PLCG2: variants seen among roughly 807,000 people sequenced by gnomAD.
The protein encoded by PLCG2 is 1-phosphatidylinositol 4,5-bisphosphate phosphodiesterase gamma-2.
Under a neutral mutation model 175.6 loss-of-function variants are expected in PLCG2, and 69 were observed. The ratio of observed to expected loss-of-function variants is 0.39; its 90% confidence interval spans 0.32 to 0.48. The LOEUF (loss-of-function observed/expected upper bound fraction) is 0.48, where lower values mean the gene tolerates loss of function less well. PLCG2 is among the 20% of genes least tolerant of loss of function. PLCG2 has a pLI of 0.91. For synonymous variants in PLCG2, 827 were observed against 624.0 expected, an observed-to-expected ratio of 1.33 and a Z score of -4.85; for missense variants, 1,798 against 1,650.9, an observed-to-expected ratio of 1.09 and a Z score of -1.54.
chr16:81,860,826 C>G (rs988796597), intron 5 of PLCG2, among the ~76,000 whole-genome samples: 19 of 151,966 alleles, frequency 1.3e-4, no homozygotes, highest in Non-Finnish European at 2.6e-4. Context: ...AAAAAATTAG[C>G]CAGGCATGGT....
At chr16:81,858,445 A>T (rs1906797831) in intron 4 of PLCG2, 89 bp downstream of exon 4, 2 of 915,558 alleles carry the variant, frequency 2.2e-6, no homozygotes, top group African/African-American at 3.3e-5. Context: ...GGGGAAAAAA[A>T]AAAAAAGGGA....
At position 81,878,311 on chromosome 16, in the gene PLCG2, C is replaced by A. The variant is rs150519505; in HGVS notation, c.649-2599C>A. 2.7e-3 allele frequency among the ~76,000 whole-genome samples: 416 copies of A among 152,210 alleles called. 4 individuals carry two copies. The highest frequency in any genetic ancestry group is 9.3e-3 in the African/African-American group (386 of 41,536). On this transcript the variant is annotated intron_variant, in intron 7 of 32. Coordinates refer to ENST00000564138, the MANE Select transcript of PLCG2 (RefSeq NM_002661.5). ...AATCTCCCTCTTTTAAGAAGCCAGG[C>A]ACTGGATTCGGGTCCACCCTAACCC... is the stretch of plus-strand genomic sequence containing the variant.
rs1555513297 is a variant in PLCG2 at position 81,860,169 on chromosome 16, ATTAT to A, written c.479+1009_479+1012del. 8.5e-3 allele frequency among the ~76,000 whole-genome samples: 796 copies of A among 93,362 alleles called. 4 individuals carry two copies. The highest frequency in any genetic ancestry group is 0.016 in the Non-Finnish European group (633 of 40,114). 61.2% of individuals were successfully genotyped at this position (93,362 alleles called of 152,430 possible). On this transcript the variant is annotated intron_variant, in intron 5 of 32. Transcript: ENST00000564138. ...TATTATTATTATTATTATTATTATTATTATTTTTTTTTTTTTTTGTAAAGGTGAA... is the reference window on the plus strand; with the variant it reads ...TATTATTATTATTATTATTATTATTATTTTTTTTTTTTTTGTAAAGGTGAA...
Position 81,900,783 on chromosome 16 carries a change from A to G in PLCG2, c.1362+3A>G. ...TGCGGGAGAAGATCATCATCAAGGTAGGCACCCCGGGTGCTGCTGTTGGCT... is the reference window on the plus strand; with the variant it reads ...TGCGGGAGAAGATCATCATCAAGGTGGGCACCCCGGGTGCTGCTGTTGGCT... On this transcript the variant is annotated splice_donor_region_variant and intron_variant, in intron 14 of 32. Transcript: ENST00000564138. 5 of 1,595,184 alleles carry G rather than the reference A, an allele frequency of 3.1e-6. No homozygotes were observed. Among genetic ancestry groups the G allele is most frequent in the South Asian group, 1.1e-5 (1 of 90,596 alleles).
intron 1 of PLCG2, among the ~76,000 whole-genome samples, chr16:81,748,062 AC>A (rs1909738007): frequency 6.6e-6 from 1 of 152,126 alleles, no homozygotes; most frequent in East Asian, 1.9e-4. Context: ...TTTAGTAGAA[AC>A]AGGGTGGCCC....
intron 2 of PLCG2, among the ~76,000 whole-genome samples, chr16:81,787,068 T>A (rs1487724293): frequency 6.6e-6 from 1 of 152,234 alleles, no homozygotes; most frequent in Non-Finnish European, 1.5e-5. Context: ...TGGTTTCTTA[T>A]CAGCACACAT....
intron 31 of PLCG2, among the ~76,000 whole-genome samples, chr16:81,951,521 A>T (rs533504122): frequency 6.6e-6 from 1 of 152,302 alleles, no homozygotes; most frequent in South Asian, 2.1e-4. Flanking sequence ...CGTAATTCCA[A>T]TTTCACTCCA....
chr16:81,754,325 TCACCTCCTTCCCGCCCATCCC>T (rs1368903977), intron 1 of PLCG2, among the ~76,000 whole-genome samples: 1 of 14,920 alleles, frequency 6.7e-5, no homozygotes, highest in Non-Finnish European at 1.2e-4. Flanking sequence ...CCTTCCCCTG[TCACCTCCTTCCCGCCCATCCC>T]CACCTCCTCC....
chr16:81,938,494 G>A lies in PLCG2; in HGVS notation c.3199-307G>A, dbSNP rs910951591. 14 of 407,716 alleles carry A rather than the reference G, an allele frequency of 3.4e-5. No homozygotes were observed. In the Admixed American group the frequency reaches 4.9e-4, roughly 14 times the overall value. 25.3% of individuals were successfully genotyped at this position (407,716 alleles called of 1,614,324 possible). A position where few individuals can be genotyped will look rare whatever the true frequency, so the allele number is the denominator to read the frequency against. ...AGGGGTGTGGAAATCCAGTGATTAA[G>A]CTCTGCCTTGATCAGAGGCACCTGC... On this transcript the variant is annotated intron_variant, in intron 28 of 32. Coordinates refer to ENST00000564138, the MANE Select transcript of PLCG2 (RefSeq NM_002661.5).
At chr16:81,896,054 TC>T in intron 13 of PLCG2, 127 bp downstream of exon 13, 1 of 1,222,886 alleles carries the variant, frequency 8.2e-7, no homozygotes, top group Non-Finnish European at 1.2e-6. Flanking sequence ...CTGGGCCCCA[TC>T]TTGGCCAAAG....
In PLCG2 at chr16:81,900,682, A is replaced by G. The variant is rs1259583971; in HGVS notation, c.1264A>G (p.Lys422Glu). ...ACAGCGTCACATGGCCAAGGCCTTC[A>G]AGGAAGTATTTGGCGACCTGCTGTT... is the stretch of plus-strand genomic sequence containing the variant. The part of the protein sequence containing the change: ...EQQRHMAKAF[K>E]EVFGDLLLTK... The change falls in exon 14 of 33, where the codon AAG becomes GAG. Residue 422 changes from lysine to glutamate, a missense_variant. Physicochemically the swap from Lys to Glu is moderately conservative, Grantham distance 56. Transcript: ENST00000564138. 2 of 1,613,134 alleles carry G rather than the reference A, an allele frequency of 1.2e-6. No homozygotes were observed. The highest frequency in any genetic ancestry group is 1.7e-6 in the Non-Finnish European group (2 of 1,179,244).
At chr16:81,955,684 C>A (rs537577977) in intron 31 of PLCG2, among the ~76,000 whole-genome samples, 15 of 152,172 alleles carry the variant, frequency 9.9e-5, no homozygotes, top group Non-Finnish European at 1.8e-4. Context: ...CATGACAGGA[C>A]CACACTTACT....
At position 81,919,515 on chromosome 16, in the gene PLCG2, A is replaced by G; in HGVS notation, c.2086A>G (p.Asn696Asp). The G allele has an allele frequency of 6.2e-7, 1 of 1,614,090 alleles. No individual in the cohort carries two copies. Among genetic ancestry groups the G allele is most frequent in the Non-Finnish European group, 8.5e-7 (1 of 1,180,016 alleles). ...ARGKVKHCRINRDGRHFVLGT... is the reference protein window; with the variant it reads ...ARGKVKHCRIDRDGRHFVLGT... ...GGGCAAGGTAAAGCATTGTCGCATCAACCGGGACGGCCGGCACTTTGTGCT... is the reference window on the plus strand; with the variant it reads ...GGGCAAGGTAAAGCATTGTCGCATCGACCGGGACGGCCGGCACTTTGTGCT... The change falls in exon 20 of 33, where the codon AAC (asparagine) becomes GAC (aspartate). Residue 696 changes from asparagine (N) to aspartate (D), a missense_variant. Transcript: ENST00000564138.
Position 81,827,190 on chromosome 16 carries a change from G to GTT in PLCG2, c.194-27242_194-27241dup, listed in dbSNP as rs368220809. On this transcript the variant is annotated intron_variant, in intron 2 of 32. Transcript: ENST00000564138. ...CTCATACATTATAGAGGATTGCTGG[G>GTT]TTTTTTTTTTTTTGGGGACAGGGTC... Among the ~76,000 whole-genome samples, 986 of 143,998 alleles carry GTT rather than the reference G, an allele frequency of 6.8e-3. 10 individuals are homozygous for GTT. The highest frequency in any genetic ancestry group is 0.026 in the Middle Eastern group (7 of 272). 94.5% of individuals were successfully genotyped at this position (143,998 alleles called of 152,430 possible). A position where few individuals can be genotyped will look rare whatever the true frequency, so the allele number is the denominator to read the frequency against.
chr16:81,886,896 G>A (rs151222919), intron 9 of PLCG2, among the ~76,000 whole-genome samples: 129 of 152,204 alleles, frequency 8.5e-4, no homozygotes, highest in African/African-American at 2.9e-3. Context: ...CACTATTACA[G>A]GTATCTAGTG....
chr16:81,794,792 T>G (rs1390547658), intron 2 of PLCG2, among the ~76,000 whole-genome samples: 1 of 152,246 alleles, frequency 6.6e-6, no homozygotes, highest in Admixed American at 6.5e-5. Context: ...GATGGCATTG[T>G]AGAAAGGATG....
intron 13 of PLCG2, among the ~76,000 whole-genome samples, chr16:81,896,962 A>T (rs1466389004): frequency 2.0e-5 from 3 of 152,198 alleles, no homozygotes; most frequent in African/African-American, 7.2e-5. Flanking sequence ...TCTGGGCTGG[A>T]GGTCAACGAA....
At chr16:81,840,816 G>A (rs1365337333) in intron 2 of PLCG2, among the ~76,000 whole-genome samples, 1 of 152,184 alleles carries the variant, frequency 6.6e-6, no homozygotes, top group East Asian at 1.9e-4. Context: ...CCTTCCGAGT[G>A]GCAAGGAACA....
rs1037740470 is a variant in PLCG2, at chr16:81,753,343, T to A, written c.-144-2527T>A. On this transcript the variant is annotated intron_variant, in intron 1 of 5. Transcript: ENST00000565054. ...AGCATTGTGTTAAAGTCCTGGCAGG[T>A]TTTTTTTTTTTTTTTTTTTTTTTGT... Among the ~76,000 whole-genome samples the A allele has an allele frequency of 1.3e-4, 4 of 30,980 alleles. No homozygotes were observed. The South Asian group carries it at 2.8e-3, about 22-fold the overall frequency. 20.3% of individuals were successfully genotyped at this position (30,980 alleles called of 152,430 possible).
Sources: allele counts gnomAD v4.1 joint callset (sites outside exome capture counted in the v4.1 genomes callset), GRCh38; gene constraint gnomAD v4.1.1; transcripts MANE v1.5; gene names NCBI Gene and HGNC (gene_info 2026-07-23, HGNC 2026-07-21).